The following ARHGAP26 variants were observed in gnomAD, a reference collection of about 807,000 sequenced individuals.
ARHGAP26 encodes rho GTPase-activating protein 26.
ARHGAP26 carries 38 observed loss-of-function variants against 104.8 expected under a neutral mutation model. The observed-to-expected ratio is 0.36, with a 90% CI of 0.28 to 0.48. The LOEUF (loss-of-function observed/expected upper bound fraction) is 0.48, where lower values mean the gene tolerates loss of function less well. Ranked by LOEUF, ARHGAP26 falls within the 20% of genes least tolerant of loss-of-function variation. The pLI is 0.99. For missense variants in ARHGAP26, 704 were observed against 947.9 expected (o/e 0.74, Z 3.38); for synonymous variants, 341 against 340.0 (o/e 1.00, Z -0.03).
intron 17 of ARHGAP26, among the ~76,000 whole-genome samples, chr5:143,060,275 T>A (rs1219504501): frequency 6.6e-6 from 1 of 152,246 alleles, no homozygotes; most frequent in Non-Finnish European, 1.5e-5. Flanking sequence ...TATTACTTAC[T>A]GTTTGCCTTG....
chr5:142,863,886 G>C (rs189237656), intron 1 of ARHGAP26, among the ~76,000 whole-genome samples: 94 of 152,264 alleles, frequency 6.2e-4, no homozygotes, highest in African/African-American at 2.2e-3. Context: ...CTCAAGCCAG[G>C]ATCAACCCTC....
intron 17 of ARHGAP26, among the ~76,000 whole-genome samples, chr5:143,100,392 A>G (rs1053108414): frequency 6.6e-6 from 1 of 152,198 alleles, no homozygotes; most frequent in African/African-American, 2.4e-5. Context: ...TAGCGAAGGA[A>G]CATCCAGTCA....
intron 18 of ARHGAP26, among the ~76,000 whole-genome samples, chr5:143,132,402 T>C (rs1344379150): frequency 3.3e-5 from 5 of 150,940 alleles, no homozygotes; most frequent in Non-Finnish European, 7.4e-5. Context: ...TCAGAGACTG[T>C]TAGGAAGGAG....
intron 22 of ARHGAP26, among the ~76,000 whole-genome samples, chr5:143,221,901 G>A (rs1459828620): frequency 6.9e-6 from 1 of 144,974 alleles, no homozygotes; most frequent in African/African-American, 2.6e-5. Flanking sequence ...GTTGATACTG[G>A]GCAGGTGGGT....
chr5:142,981,637 C>T (rs761635354), intron 11 of ARHGAP26, among the ~76,000 whole-genome samples: 2 of 152,216 alleles, frequency 1.3e-5, no homozygotes, highest in Non-Finnish European at 2.9e-5. Context: ...AGCTTGGCTC[C>T]TTTCCTGCAG....
intron 11 of ARHGAP26, among the ~76,000 whole-genome samples, chr5:143,012,571 ATATATT>A (rs1301041762): frequency 1.1e-5 from 1 of 91,500 alleles, no homozygotes; most frequent in East Asian, 2.3e-4. Context: ...ATATATATAT[ATATATT>A]ATGATCAGGT....
At chr5:142,938,501 CAG>C (rs1765780132) in intron 11 of ARHGAP26, among the ~76,000 whole-genome samples, 1 of 152,178 alleles carries the variant, frequency 6.6e-6, no homozygotes, top group African/African-American at 2.4e-5. Flanking sequence ...TTAGAGACAG[CAG>C]AGTTTCTTTG....
intron 14 of ARHGAP26, among the ~76,000 whole-genome samples, chr5:143,053,859 GT>G (rs200564975): frequency 6.6e-6 from 1 of 151,226 alleles, no homozygotes; most frequent in Non-Finnish European, 1.5e-5. Context: ...GACATATCTT[GT>G]TTTTTTTTAT....
intron 10 of ARHGAP26, among the ~76,000 whole-genome samples, chr5:142,917,079 G>T (rs938308687): frequency 6.8e-6 from 1 of 146,316 alleles, no homozygotes; most frequent in African/African-American, 2.6e-5. Flanking sequence ...TTGCTCTGTT[G>T]CCCAGGCCGG....
chr5:142,851,257 C>T (rs113815637), intron 1 of ARHGAP26, among the ~76,000 whole-genome samples: 4,009 of 152,070 alleles, frequency 0.026, 161 homozygotes, highest in African/African-American at 0.088. Flanking sequence ...CCACCATGCC[C>T]GGCTAATTTT....
chr5:142,910,610 A>G (rs769472453), intron 9 of ARHGAP26, among the ~76,000 whole-genome samples: 7 of 152,320 alleles, frequency 4.6e-5, no homozygotes, highest in Non-Finnish European at 5.9e-5. Flanking sequence ...GCAGTGGCGC[A>G]TGCCTGTAAT....
chr5:142,841,078 A>G (rs921530840), intron 1 of ARHGAP26, among the ~76,000 whole-genome samples: 1 of 152,114 alleles, frequency 6.6e-6, no homozygotes. Context: ...ATATCCAGGG[A>G]CCTCTGCTTG....
intron 11 of ARHGAP26, among the ~76,000 whole-genome samples, chr5:142,939,375 C>T (rs935962142): frequency 6.6e-6 from 1 of 152,192 alleles, no homozygotes; most frequent in Non-Finnish European, 1.5e-5. Context: ...AACCACTCCT[C>T]TAGTAAAAGA....
chr5:142,981,636 C>G (rs535250886), intron 11 of ARHGAP26, among the ~76,000 whole-genome samples: 6 of 152,172 alleles, frequency 3.9e-5, no homozygotes, highest in Non-Finnish European at 8.8e-5. Flanking sequence ...CAGCTTGGCT[C>G]CTTTCCTGCA....
At chr5:143,218,127 C>G (rs146024762) in intron 22 of ARHGAP26, among the ~76,000 whole-genome samples, 4 of 152,146 alleles carry the variant, frequency 2.6e-5, no homozygotes, top group Admixed American at 2.6e-4. Flanking sequence ...TTTGTGTCTG[C>G]GTGTTATCTG....
intron 17 of ARHGAP26, among the ~76,000 whole-genome samples, chr5:143,080,533 G>A (rs753896874): frequency 2.6e-5 from 4 of 152,134 alleles, no homozygotes; most frequent in Non-Finnish European, 5.9e-5. Context: ...CCTGTGAAGA[G>A]GTAGAGGAAG....
At chr5:142,938,277 A>C (rs1765737509) in intron 11 of ARHGAP26, among the ~76,000 whole-genome samples, 1 of 152,236 alleles carries the variant, frequency 6.6e-6, no homozygotes, top group South Asian at 2.1e-4. Flanking sequence ...CTATTCAGAT[A>C]GTCAGATAAA....
intron 17 of ARHGAP26, among the ~76,000 whole-genome samples, chr5:143,091,784 A>T (rs186138960): frequency 4.0e-4 from 61 of 152,344 alleles, no homozygotes; most frequent in African/African-American, 1.4e-3. Flanking sequence ...TTATTTTAAT[A>T]TCCAGTTCAC....
intron 17 of ARHGAP26, among the ~76,000 whole-genome samples, chr5:143,093,568 T>G (rs1598979896): frequency 6.6e-6 from 1 of 151,826 alleles, no homozygotes; most frequent in Non-Finnish European, 1.5e-5. Flanking sequence ...GTGTCTCTCT[T>G]TCTCTCTCTC....
Sources: allele counts gnomAD v4.1 joint callset (sites outside exome capture counted in the v4.1 genomes callset), GRCh38; gene constraint gnomAD v4.1.1; transcripts MANE v1.5; gene names NCBI Gene and HGNC (gene_info 2026-07-23, HGNC 2026-07-21).